FAT3: variants seen among roughly 807,000 people sequenced by gnomAD.
FAT3 encodes protocadherin Fat 3.
Under a neutral mutation model 310.2 loss-of-function variants are expected in FAT3, and 95 were observed. The observed-to-expected ratio is 0.31, with a 90% confidence interval of 0.26 to 0.36. FAT3 has a LOEUF of 0.36. FAT3 is among the 10% of genes least tolerant of loss of function. The pLI, the probability that FAT3 is intolerant of heterozygous loss-of-function variation, is 1.00. For synonymous variants in FAT3, 2,314 were observed against 2,192.9 expected (o/e 1.06, Z -1.54); for missense variants, 5,408 against 5,715.6 (o/e 0.95, Z 1.74).
At chr11:92,797,177 A>G (rs952103965) in intron 9 of FAT3, among the ~76,000 whole-genome samples, 1 of 152,198 alleles carries the variant, frequency 6.6e-6, no homozygotes, top group Non-Finnish European at 1.5e-5. Flanking sequence ...AATAGAAGAG[A>G]AGTCAGGAAA....
chr11:92,882,611 C>G (rs1049452293), intron 23 of FAT3, 127 bp from the exon 24 acceptor site: 1 of 444,764 alleles, frequency 2.2e-6, no homozygotes, highest in Non-Finnish European at 3.6e-6. Flanking sequence ...CCATCTTTGT[C>G]CTGCTTCATC....
chr11:92,551,537 A>G (rs149291912), intron 3 of FAT3, among the ~76,000 whole-genome samples: 6 of 151,994 alleles, frequency 3.9e-5, no homozygotes, highest in Non-Finnish European at 7.4e-5. Flanking sequence ...TCTGTATTTT[A>G]CAATGACTCC....
At position 92,891,353 on chromosome 11, in the gene FAT3, T is replaced by G; in HGVS notation, c.*240T>G. On this transcript the variant is annotated 3_prime_UTR_variant, in exon 28 of 28. Transcript: ENST00000525166. ...TGGTAATCCTTGATGTAGGTACCTA[T>G]GTTCACAGCTAAAAATGCAAAGAGG... 2 of 560,286 alleles carry G rather than the reference T, an allele frequency of 3.6e-6. No homozygotes were observed. Among genetic ancestry groups the G allele is most frequent in the South Asian group, 4.1e-5 (2 of 48,392 alleles). The allele number at this position is 560,286 out of a possible 1,614,324, so 34.7% of individuals were successfully genotyped here. A position where few individuals can be genotyped will look rare whatever the true frequency, so the allele number is the denominator to read the frequency against.
At chr11:92,486,416 T>A (rs1952406234) in intron 2 of FAT3, among the ~76,000 whole-genome samples, 1 of 151,966 alleles carries the variant, frequency 6.6e-6, no homozygotes, top group Non-Finnish European at 1.5e-5. Flanking sequence ...CATGTCCATC[T>A]CATATTTTAG....
intron 3 of FAT3, among the ~76,000 whole-genome samples, chr11:92,578,498 C>T (rs180916450): frequency 5.6e-4 from 86 of 152,236 alleles, no homozygotes; most frequent in Non-Finnish European, 9.6e-4. Flanking sequence ...AAGTGGTAAC[C>T]TGTGTCTTCA....
intron 4 of FAT3, among the ~76,000 whole-genome samples, chr11:92,751,541 A>C (rs1376593630): frequency 1.3e-5 from 2 of 152,162 alleles, no homozygotes; most frequent in African/African-American, 4.8e-5. Flanking sequence ...CTAATTGCAC[A>C]AAATAAGGTT....
intron 3 of FAT3, among the ~76,000 whole-genome samples, chr11:92,532,867 A>C (rs1403442770): frequency 6.6e-6 from 1 of 152,152 alleles, no homozygotes; most frequent in Non-Finnish European, 1.5e-5. Context: ...ATCCTAGATG[A>C]AAAGGGGGGA....
intron 2 of FAT3, among the ~76,000 whole-genome samples, chr11:92,380,628 C>T (rs1166964134): frequency 6.6e-6 from 1 of 152,190 alleles, no homozygotes; most frequent in Non-Finnish European, 1.5e-5. Flanking sequence ...CCCTCACCCT[C>T]AGGCCAGCTC....
intron 3 of FAT3, among the ~76,000 whole-genome samples, chr11:92,540,872 T>C (rs1954427056): frequency 6.6e-6 from 1 of 152,026 alleles, no homozygotes; most frequent in Non-Finnish European, 1.5e-5. Context: ...TAAAGGAAAG[T>C]GGGTGGATTC....
rs769149682 is a variant in FAT3, at chr11:92,890,662, C to T, written c.13319C>T (p.Pro4440Leu). The T allele has an allele frequency of 3.1e-6, 5 of 1,613,854 alleles. No individual in the cohort carries two copies. The highest frequency in any genetic ancestry group is 2.2e-5 in the East Asian group (1 of 44,864). ...GYDIDSEYPP[P>L]HEEEFLSQDQ... ...GACATTGACAGTGAATACCCACCCC[C>T]TCATGAAGAGGAGTTCTTGAGTCAG... The change falls in exon 28 of 28, where the codon CCT (proline) becomes CTT (leucine). Residue 4440 changes from proline to leucine, a missense_variant. Coordinates refer to ENST00000525166, the MANE Select transcript of FAT3 (RefSeq NM_001367949.2).
chr11:92,693,897 T>C (rs1479964842), intron 3 of FAT3, among the ~76,000 whole-genome samples: 1 of 152,238 alleles, frequency 6.6e-6, no homozygotes, highest in African/African-American at 2.4e-5. Context: ...ATTTCAACCC[T>C]TCTTCATGCC....
intron 3 of FAT3, among the ~76,000 whole-genome samples, chr11:92,540,144 T>G (rs929022005): frequency 2.6e-5 from 4 of 152,196 alleles, no homozygotes; most frequent in African/African-American, 9.6e-5. Context: ...CAGCATACAC[T>G]TCTGTTCTCA....
intron 8 of FAT3, among the ~76,000 whole-genome samples, chr11:92,790,425 A>C (rs1243078078): frequency 6.6e-6 from 1 of 152,194 alleles, no homozygotes; most frequent in Non-Finnish European, 1.5e-5. Flanking sequence ...TGCCAAACGA[A>C]AATATTAGAT....
At chr11:92,754,045 G>T (rs190799436) in intron 4 of FAT3, among the ~76,000 whole-genome samples, 115 of 151,974 alleles carry the variant, frequency 7.6e-4, no homozygotes, top group Admixed American at 3.1e-3. Flanking sequence ...TACTGCTCAG[G>T]TGAGGGGTGC....
At chr11:92,592,047 A>G (rs1179037460) in intron 3 of FAT3, among the ~76,000 whole-genome samples, 2 of 152,120 alleles carry the variant, frequency 1.3e-5, no homozygotes, top group Admixed American at 6.6e-5. Flanking sequence ...TAATATATCA[A>G]TATTGGTTCA....
At chr11:92,696,886 T>C (rs1234393454) in intron 3 of FAT3, among the ~76,000 whole-genome samples, 1 of 152,192 alleles carries the variant, frequency 6.6e-6, no homozygotes. Flanking sequence ...AGTTATTAAA[T>C]ATGAAATAAT....
At chr11:92,487,730 A>T (rs78699434) in intron 2 of FAT3, among the ~76,000 whole-genome samples, 1 of 152,196 alleles carries the variant, frequency 6.6e-6, no homozygotes. Flanking sequence ...CTTAACCTCA[A>T]TGTTAAACTG....
chr11:92,454,860 G>A (rs1002047652), intron 2 of FAT3, among the ~76,000 whole-genome samples: 1 of 152,004 alleles, frequency 6.6e-6, no homozygotes, highest in African/African-American at 2.4e-5. Context: ...CACGTGCCAA[G>A]CCCTATTTAA....
intron 2 of FAT3, among the ~76,000 whole-genome samples, chr11:92,453,213 T>C (rs1951405451): frequency 4.6e-5 from 7 of 152,236 alleles, no homozygotes; most frequent in Admixed American, 4.6e-4. Flanking sequence ...TATCAGGGCC[T>C]GGAGTCAGTG....
Sources: allele counts gnomAD v4.1 joint callset (sites outside exome capture counted in the v4.1 genomes callset), GRCh38; gene constraint gnomAD v4.1.1; transcripts MANE v1.5; gene names NCBI Gene and HGNC (gene_info 2026-07-23, HGNC 2026-07-21).